The following RCOR3 variants were observed in gnomAD, a reference collection of about 807,000 sequenced individuals.
RCOR3 encodes the protein REST corepressor 3.
RCOR3 carries 13 observed loss-of-function variants against 64.1 expected under a neutral mutation model. That is an observed-to-expected ratio of 0.20 (90% confidence interval 0.13 to 0.32). The LOEUF (loss-of-function observed/expected upper bound fraction) is 0.32. Ranked by LOEUF, RCOR3 falls within the 10% of genes least tolerant of loss-of-function variation. RCOR3 has a pLI of 1.00. For synonymous variants in RCOR3, 215 were observed against 239.0 expected, an observed-to-expected ratio of 0.90 and a Z score of 0.93; for missense variants, 489 against 701.2, an observed-to-expected ratio of 0.70 and a Z score of 3.42.
chr1:211,274,096 T>C, intron 3 of RCOR3, 114 bp from the exon 4 acceptor site: 2 of 658,642 alleles, frequency 3.0e-6, no homozygotes, highest in Non-Finnish European at 2.5e-6. Context: ...CCTTTGGCTT[T>C]TTTTTTTACC....
intron 2 of RCOR3, among the ~76,000 whole-genome samples, chr1:211,262,566 G>A (rs1694504908): frequency 6.6e-6 from 1 of 151,778 alleles, no homozygotes. Flanking sequence ...CTATATTTTT[G>A]CCCCAGTGGG....
chr1:211,267,661 G>T, intron 2 of RCOR3: 1 of 200,794 alleles, frequency 5.0e-6, no homozygotes, highest in Non-Finnish European at 1.0e-5. Flanking sequence ...GTGTGGTCAT[G>T]GCTCACTGCA....
intron 10 of RCOR3, among the ~76,000 whole-genome samples, chr1:211,308,468 G>T (rs189292379): frequency 3.9e-5 from 6 of 152,122 alleles, no homozygotes; most frequent in African/African-American, 1.4e-4. Context: ...TGATAGAAAA[G>T]AATCATATCC....
At chr1:211,294,079 T>C (rs1458802313) in intron 8 of RCOR3, among the ~76,000 whole-genome samples, 1 of 152,218 alleles carries the variant, frequency 6.6e-6, no homozygotes, top group Non-Finnish European at 1.5e-5. Flanking sequence ...TTTTTGAAAA[T>C]GTGGATTTGT....
rs1024371531 is a variant in RCOR3, at chr1:211,271,392, T to G, written c.301+83T>G. 7.4e-5 allele frequency: 77 copies of G among 1,034,252 alleles called. 1 individual carries two copies. The highest frequency in any genetic ancestry group is 1.1e-4 in the Non-Finnish European group (71 of 674,016). The allele number at this position is 1,034,252 out of a possible 1,614,324, so 64.1% of individuals were successfully genotyped here. A position where few individuals can be genotyped will look rare whatever the true frequency, so the allele number is the denominator to read the frequency against. On this transcript the variant is annotated intron_variant, in intron 3 of 11. Transcript: ENST00000419091. ...TATGACTTACGTTTGTTTTTGGGTC[T>G]TATAGATTCTCATAAGAAAACAGTT... is the stretch of plus-strand genomic sequence containing the variant.
At chr1:211,263,503 C>T (rs926915692) in intron 2 of RCOR3, among the ~76,000 whole-genome samples, 1 of 152,110 alleles carries the variant, frequency 6.6e-6, no homozygotes. Flanking sequence ...TTCACTTACT[C>T]ATTTTCTGCT....
intron 7 of RCOR3, among the ~76,000 whole-genome samples, chr1:211,280,593 C>T (rs1177628040): frequency 1.3e-5 from 2 of 152,170 alleles, no homozygotes; most frequent in Admixed American, 6.5e-5. Flanking sequence ...CTATCCATCC[C>T]TTCGTATCTA....
chr1:211,262,937 A>G (rs1694599071), intron 2 of RCOR3, among the ~76,000 whole-genome samples: 1 of 150,136 alleles, frequency 6.7e-6, no homozygotes, highest in African/African-American at 2.5e-5. Context: ...TTAGTTACAT[A>G]TGTATACATG....
At position 211,274,268 on chromosome 1, in the gene RCOR3, T is replaced by C; in HGVS notation, c.354+6T>C. 1 of 1,585,716 alleles carries C rather than the reference T, an allele frequency of 6.3e-7. No homozygotes were observed. Among genetic ancestry groups the C allele is most frequent in the Non-Finnish European group, 8.7e-7 (1 of 1,155,370 alleles). ...ATGGCTACAATGTGGAACAGGTATG[T>C]AGAGAAACACTTCAGTAGTAAGGCT... On this transcript the variant is annotated splice_donor_region_variant and intron_variant, in intron 4 of 11. Coordinates refer to ENST00000419091, the MANE Select transcript of RCOR3 (RefSeq NM_001136223.3).
At chr1:211,291,323 T>C (rs544575361) in intron 8 of RCOR3, among the ~76,000 whole-genome samples, 2 of 152,340 alleles carry the variant, frequency 1.3e-5, no homozygotes, top group African/African-American at 4.8e-5. Flanking sequence ...AATTTGAAAC[T>C]TTTTGAGCAC....
At chr1:211,272,612 CTTTTTTTTTT>C (rs768152573) in intron 3 of RCOR3, among the ~76,000 whole-genome samples, 35 of 43,518 alleles carry the variant, frequency 8.0e-4, no homozygotes, top group Admixed American at 2.3e-3. Flanking sequence ...GGATGTCTTA[CTTTTTTTTTT>C]TTTTTTTTTT....
chr1:211,276,852 C>T (rs543573468), intron 5 of RCOR3, among the ~76,000 whole-genome samples: 6 of 151,968 alleles, frequency 3.9e-5, no homozygotes, highest in South Asian at 2.1e-4. Flanking sequence ...TTTGGGAGGC[C>T]GAGGCGGGCA....
chr1:211,310,513 C>T (rs567952939), intron 10 of RCOR3, among the ~76,000 whole-genome samples: 13 of 152,130 alleles, frequency 8.5e-5, no homozygotes, highest in African/African-American at 3.1e-4. Flanking sequence ...ATAAGCATAC[C>T]TGGGTGAGTT....
intron 9 of RCOR3, among the ~76,000 whole-genome samples, chr1:211,299,898 C>G (rs1700199753): frequency 6.6e-6 from 1 of 151,962 alleles, no homozygotes; most frequent in African/African-American, 2.4e-5. Flanking sequence ...ACCAAAGTTT[C>G]TCAGGTTTAA....
intron 8 of RCOR3, among the ~76,000 whole-genome samples, chr1:211,293,613 C>T (rs750539434): frequency 2.6e-5 from 4 of 152,206 alleles, no homozygotes; most frequent in Non-Finnish European, 5.9e-5. Context: ...CTCTCTCTTT[C>T]TCTCTCCAAG....
chr1:211,301,452 T>A (rs1172602591), intron 9 of RCOR3: 10 of 152,208 alleles, frequency 6.6e-5, no homozygotes, highest in Admixed American at 6.5e-4. Flanking sequence ...CAACTATTGC[T>A]TATTAAATTT....
At position 211,312,120 on chromosome 1, in the gene RCOR3, C is replaced by A; in HGVS notation, c.1076-600C>A. Reference sequence around the variant, plus strand: ...AAAAATCTTCTCTTTTTTCAAAATCCACCAACTTGTGATGATTCTCCTGCT... The same window carrying A: ...AAAAATCTTCTCTTTTTTCAAAATCAACCAACTTGTGATGATTCTCCTGCT... On this transcript the variant is annotated intron_variant, in intron 10 of 11. Transcript: ENST00000419091. The surrounding 1 kb of genome is among the most constrained non-coding windows in gnomAD (Gnocchi z 5.0). 1 of 199,718 alleles carries A rather than the reference C, an allele frequency of 5.0e-6. No homozygotes were observed. Among genetic ancestry groups the A allele is most frequent in the South Asian group, 7.4e-5 (1 of 13,452 alleles). The allele number at this position is 199,718 out of a possible 1,614,324, so 12.4% of individuals were successfully genotyped here.
chr1:211,268,901 A>G (rs774577245), intron 2 of RCOR3, among the ~76,000 whole-genome samples: 2 of 152,142 alleles, frequency 1.3e-5, no homozygotes, highest in Non-Finnish European at 2.9e-5. Context: ...ATAGCAATGT[A>G]TGATTTTTTA....
intron 9 of RCOR3, chr1:211,302,934 T>C (rs1700525562): frequency 1.3e-5 from 2 of 152,244 alleles, no homozygotes; most frequent in African/African-American, 4.8e-5. Context: ...ATCTCCTTTT[T>C]CTTTTTTAAC....
Sources: gnomAD v4.1 joint callset for allele counts (sites outside exome capture counted in the v4.1 genomes callset) on GRCh38, gnomAD v4.1.1 for gene constraint, Gnocchi (gnomAD v3.1) non-coding constraint, MANE v1.5 for transcripts, NCBI Gene and HGNC (gene_info 2026-07-23, HGNC 2026-07-21) for gene names.